LSP1: variants seen among roughly 807,000 people sequenced by gnomAD.
The protein encoded by LSP1 is lymphocyte-specific protein 1.
In LSP1, 32 loss-of-function variants were observed where a neutral mutation model predicts 49.3. The ratio of observed to expected loss-of-function variants is 0.65; its 90% CI spans 0.49 to 0.87. The LOEUF (loss-of-function observed/expected upper bound fraction) is 0.87, where lower values mean the gene tolerates loss of function less well. Ranked by LOEUF, LSP1 falls within the 40% of genes least tolerant of loss-of-function variation. LSP1 has a pLI of 0.00. For synonymous variants in LSP1, 179 were observed against 178.8 expected (o/e 1.00, Z -0.01); for missense variants, 428 against 442.6 (o/e 0.97, Z 0.30).
In LSP1 at chr11:1,884,727, C is replaced by T; in HGVS notation, c.717+146C>T. 1 of 662,028 alleles carries T rather than the reference C, an allele frequency of 1.5e-6. No homozygotes were observed. The highest frequency in any genetic ancestry group is 2.7e-6 in the Non-Finnish European group (1 of 375,870). 41.0% of individuals were successfully genotyped at this position (662,028 alleles called of 1,614,324 possible). A position where few individuals can be genotyped will look rare whatever the true frequency, so the allele number is the denominator to read the frequency against. ...AATGCTTCTCCATCCAGTCAGTGCC[C>T]CTCTACCCAATCAATGCCCCTCCAT... On this transcript the variant is annotated intron_variant, in intron 7 of 10. Coordinates refer to ENST00000311604, the MANE Select transcript of LSP1 (RefSeq NM_002339.3). The surrounding 1 kb of genome is among the most constrained non-coding windows in gnomAD (Gnocchi z 4.1).
chr11:1,875,875 G>C (rs978189221), intron 1 of LSP1, among the ~76,000 whole-genome samples: 5 of 152,316 alleles, frequency 3.3e-5, no homozygotes, highest in Admixed American at 6.5e-5. Context: ...TCCCCTCCCA[G>C]CTGCGTCCCC....
At chr11:1,867,839 G>A (rs1468419071) in intron 1 of LSP1, among the ~76,000 whole-genome samples, 1 of 78,306 alleles carries the variant, frequency 1.3e-5, no homozygotes, top group Non-Finnish European at 2.4e-5. Flanking sequence ...CCCCACCCCT[G>A]CCCCAGCGAT....
intron 1 of LSP1, among the ~76,000 whole-genome samples, chr11:1,874,664 G>A (rs1039953798): frequency 4.6e-5 from 7 of 152,136 alleles, no homozygotes; most frequent in African/African-American, 1.7e-4. Context: ...CGCCGGGAGG[G>A]GCCTTGGCAG....
Position 1,883,568 on chromosome 11 carries a change from C to T in LSP1, c.498+8C>T, listed in dbSNP as rs368879479. On this transcript the variant is annotated splice_region_variant and intron_variant, in intron 4 of 10. Transcript: ENST00000311604. Reference sequence around the variant, plus strand: ...GAGGAGGAACAGGAGGAGGTGATGGCTCCACCTCAGAGGGTCTGGGTGTAC... The same window carrying T: ...GAGGAGGAACAGGAGGAGGTGATGGTTCCACCTCAGAGGGTCTGGGTGTAC... 9 of 1,604,854 alleles carry T rather than the reference C, an allele frequency of 5.6e-6. No individual in the cohort carries two copies. In the East Asian group the frequency reaches 6.7e-5, roughly 12 times the overall value.
chr11:1,876,013 A>G (rs941223494), intron 1 of LSP1, among the ~76,000 whole-genome samples: 13 of 152,238 alleles, frequency 8.5e-5, no homozygotes, highest in African/African-American at 3.1e-4. Context: ...ATGGGGGCTC[A>G]TGTGAGCAGT....
Position 1,887,476 on chromosome 11 carries a change from C to A in LSP1, c.933C>A (p.Ser311Arg). ...GGSKTSSTIK[S>R]TPSGKRYKFV... ...CTCTTGGTCTCCTTTCCCAACAGAG[C>A]ACCCCATCTGGGAAGAGGTATAAGT... Residue 311 changes from serine to arginine, a missense_variant and splice_region_variant, in exon 10 of 11, where the codon AGC (serine) becomes AGA (arginine). Ser to Arg is a moderately radical substitution (Grantham distance 110, BLOSUM62 -1). Transcript: ENST00000311604. The A allele has an allele frequency of 1.2e-6, 2 of 1,613,668 alleles. No individual in the cohort carries two copies. Among genetic ancestry groups the A allele is most frequent in the Non-Finnish European group, 1.7e-6 (2 of 1,179,664 alleles).
intron 3 of LSP1, 35 bp from the exon 4 acceptor site, chr11:1,883,384 C>A (rs1565086515): frequency 1.2e-5 from 20 of 1,612,448 alleles, no homozygotes; most frequent in Non-Finnish European, 1.7e-5. Flanking sequence ...AATCCAATGG[C>A]CCTAGAACGG....
chr11:1,869,383 T>G, intron 1 of LSP1: 10 of 293,692 alleles, frequency 3.4e-5, no homozygotes, highest in South Asian at 8.7e-5. Flanking sequence ...GAGAAAGAAA[T>G]GAGAGAAAGG....
At chr11:1,873,990 G>C (rs1266864888) in intron 1 of LSP1, among the ~76,000 whole-genome samples, 9 of 125,154 alleles carry the variant, frequency 7.2e-5, no homozygotes, top group Middle Eastern at 4.4e-3. Context: ...GCCGGCGGAG[G>C]AGGGAGGCTG....
In LSP1 at chr11:1,873,698, C is replaced by T. The variant is rs539795112; in HGVS notation, c.54-6389C>T. Among the ~76,000 whole-genome samples the T allele has an allele frequency of 2.0e-3, 303 of 151,448 alleles. 1 individual carries two copies. The highest frequency in any genetic ancestry group is 3.8e-3 in the Admixed American group (58 of 15,206). On this transcript the variant is annotated intron_variant, in intron 1 of 10. Transcript: ENST00000311604. ...GGCTATGGCTATGGAAGAATCATGC[C>T]CTGGGCCATCCCAGGCAGGCTGAGA...
chr11:1,881,455 C>A lies in LSP1; in HGVS notation c.215C>A (p.Ala72Asp). 1.3e-6 allele frequency: 2 copies of A among 1,579,442 alleles called. No individual in the cohort carries two copies. The highest frequency in any genetic ancestry group is 1.7e-6 in the Non-Finnish European group (2 of 1,162,202). ...EMLLSLKPSEAPELDEDEGFG... is the reference protein window; with the variant it reads ...EMLLSLKPSEDPELDEDEGFG... ...AGCCTCAGCCTGAAGCCCTCGGAGG[C>A]CCCTGAACTGGATGAGGACGAGGGC... Residue 72 changes from alanine (A) to aspartate (D), a missense_variant, in exon 3 of 11, where the codon GCC becomes GAC. Ala to Asp is a moderately radical substitution (Grantham distance 126). Transcript: ENST00000311604.
At chr11:1,868,629 T>A in intron 1 of LSP1, 1 of 984,186 alleles carries the variant, frequency 1.0e-6, no homozygotes, top group Non-Finnish European at 1.2e-6. Flanking sequence ...CTTGGGCCCA[T>A]CCAGGCCTGA....
At chr11:1,859,488 T>C (rs1284933283) in intron 1 of LSP1, 1 of 154,616 alleles carries the variant, frequency 6.5e-6, no homozygotes, top group Non-Finnish European at 1.5e-5. Flanking sequence ...TTTGACAGTT[T>C]GGTTTCTGAG....
intron 10 of LSP1, among the ~76,000 whole-genome samples, 200 bp downstream of exon 10, chr11:1,887,776 T>C (rs3817198): frequency 0.26 from 38,951 of 151,994 alleles, 5,474 homozygotes; most frequent in South Asian, 0.37. Context: ...TCAAACTCTC[T>C]GCTCATTTCA....
chr11:1,866,666 G>A, intron 1 of LSP1: 2 of 1,550,512 alleles, frequency 1.3e-6, no homozygotes, highest in Non-Finnish European at 1.7e-6. Context: ...CTGCCCAACG[G>A]GAATGTGTTT....
At chr11:1,860,308 G>GATGGATGGATGT in intron 1 of LSP1, among the ~76,000 whole-genome samples, 1 of 151,884 alleles carries the variant, frequency 6.6e-6, no homozygotes, top group South Asian at 2.1e-4. Flanking sequence ...TGGATGGATG[G>GATGGATGGATGT]GTGGATGGAT....
chr11:1,866,347 A>T (rs1847788138), intron 1 of LSP1: 1 of 848,990 alleles, frequency 1.2e-6, no homozygotes, highest in Non-Finnish European at 1.8e-6. Flanking sequence ...CAGTGCTGAG[A>T]CTCTGAGAGG....
At chr11:1,866,569 C>T (rs1250725212) in intron 1 of LSP1, 3 of 1,549,050 alleles carry the variant, frequency 1.9e-6, no homozygotes, top group Non-Finnish European at 2.6e-6. Flanking sequence ...TGGCTGGGCA[C>T]ACCTCATCCC....
At chr11:1,866,736 G>A in intron 1 of LSP1, 1 of 1,550,564 alleles carries the variant, frequency 6.4e-7, no homozygotes, top group Non-Finnish European at 8.7e-7. Flanking sequence ...GGAGTGCCTG[G>A]GGTCAATCCC....
Sources: allele counts gnomAD v4.1 joint callset (sites outside exome capture counted in the v4.1 genomes callset), GRCh38; gene constraint gnomAD v4.1.1; non-coding constraint Gnocchi (gnomAD v3.1); transcripts MANE v1.5; gene names NCBI Gene and HGNC (gene_info 2026-07-23, HGNC 2026-07-21).